Variants in EYA1 observed in about 807,000 individuals in gnomAD.
The protein encoded by EYA1 is protein phosphatase EYA1.
Under a neutral mutation model 82.0 loss-of-function variants are expected in EYA1, and 16 were observed. The ratio of observed to expected loss-of-function variants is 0.20; its 90% CI spans 0.13 to 0.30. The LOEUF is 0.30. EYA1 is among the 10% of genes least tolerant of loss of function. The pLI, the probability that EYA1 is intolerant of heterozygous loss-of-function variation, is 1.00. For synonymous variants in EYA1, 261 were observed against 264.4 expected, an observed-to-expected ratio of 0.99 and a Z score of 0.12; for missense variants, 633 against 730.7, an observed-to-expected ratio of 0.87 and a Z score of 1.54.
chr8:71,371,295 C>T (rs776051585), intron 2 of EYA1, among the ~76,000 whole-genome samples: 4 of 152,148 alleles, frequency 2.6e-5, no homozygotes, highest in Non-Finnish European at 4.4e-5. Context: ...AAAACACTCA[C>T]GCTAAATGCT....
chr8:71,360,576 G>A (rs1827280998), intron 1 of EYA1, among the ~76,000 whole-genome samples: 1 of 152,104 alleles, frequency 6.6e-6, no homozygotes, highest in Non-Finnish European at 1.5e-5. Context: ...AACACTTTGG[G>A]CCTTGGGAGA....
At chr8:71,263,862 A>G (rs1815437573) in intron 11 of EYA1, among the ~76,000 whole-genome samples, 1 of 152,236 alleles carries the variant, frequency 6.6e-6, no homozygotes, top group African/African-American at 2.4e-5. Context: ...ATGGTCTGTC[A>G]ATCCTCGGTC....
intron 9 of EYA1, among the ~76,000 whole-genome samples, chr8:71,281,162 G>A (rs1817773354): frequency 6.6e-6 from 1 of 152,162 alleles, no homozygotes; most frequent in African/African-American, 2.4e-5. Flanking sequence ...CTTTGCACTG[G>A]ATCTAATCTA....
chr8:71,515,336 C>T (rs1485800160), intron 2 of EYA1, among the ~76,000 whole-genome samples: 2 of 152,054 alleles, frequency 1.3e-5, no homozygotes, highest in South Asian at 2.1e-4. Context: ...TCTAGTCTCT[C>T]CAGTTCTCTG....
rs1424162848 is a variant in EYA1, at chr8:71,455,907, G to T, written c.33+79837C>A. ...ACATAGTGTTGGAAGTTCTGCCCAGGGCAATCAGGCAGGAGAAAGAAATGA... is the reference window on the plus strand; with the variant it reads ...ACATAGTGTTGGAAGTTCTGCCCAGTGCAATCAGGCAGGAGAAAGAAATGA... On this transcript the variant is annotated intron_variant, in intron 2 of 18. Coordinates refer to the EYA1 transcript ENST00000643681. 8.5e-5 allele frequency among the ~76,000 whole-genome samples: 13 copies of T among 152,146 alleles called. 1 individual carries two copies. The South Asian group carries it at 2.7e-3, about 32-fold the overall frequency.
chr8:71,347,355 C>G (rs1263966461), intron 3 of EYA1, among the ~76,000 whole-genome samples: 1 of 151,288 alleles, frequency 6.6e-6, no homozygotes, highest in East Asian at 1.9e-4. Context: ...TAGAGTCTCA[C>G]TCTGTTGCCC....
intron 2 of EYA1, among the ~76,000 whole-genome samples, chr8:71,456,692 A>G (rs1807950276): frequency 6.6e-6 from 1 of 152,224 alleles, no homozygotes. Context: ...GGTGCTGGGA[A>G]AACTGGCTAG....
At chr8:71,546,050 C>T (rs1586923717) in intron 1 of EYA1, among the ~76,000 whole-genome samples, 1 of 152,246 alleles carries the variant, frequency 6.6e-6, no homozygotes, top group South Asian at 2.1e-4. Flanking sequence ...CAGTGTCTAC[C>T]CTAGGTCTCT....
intron 2 of EYA1, among the ~76,000 whole-genome samples, chr8:71,389,202 A>G (rs914815382): frequency 1.3e-5 from 2 of 151,998 alleles, no homozygotes; most frequent in Admixed American, 1.3e-4. Context: ...TGCTCATGAT[A>G]TTTTCATTGT....
chr8:71,546,843 A>C (rs1248121745), intron 1 of EYA1, among the ~76,000 whole-genome samples: 1 of 152,030 alleles, frequency 6.6e-6, no homozygotes. Context: ...GCTTCATGAC[A>C]CATTTCAGTC....
rs192693358 is a variant in EYA1 at position 71,335,492 on chromosome 8, G to T, written c.125-1318C>A. On this transcript the variant is annotated intron_variant, in intron 3 of 17. Coordinates refer to ENST00000340726, the MANE Select transcript of EYA1 (RefSeq NM_000503.6). ...AAACAAGCTTTGGAAAACAACAATC[G>T]TGAGACTAATGGAAATCACTCTGCT... 3.9e-5 allele frequency among the ~76,000 whole-genome samples: 6 copies of T among 152,240 alleles called. No homozygotes were observed. In the East Asian group the frequency reaches 7.7e-4, roughly 20 times the overall value.
chr8:71,234,633 C>A (rs1262590115), intron 12 of EYA1, among the ~76,000 whole-genome samples: 1 of 152,092 alleles, frequency 6.6e-6, no homozygotes, highest in African/African-American at 2.4e-5. Context: ...CTCTACCATA[C>A]AATTCTCTCT....
At chr8:71,200,793 G>A (rs1806890694) in intron 17 of EYA1, among the ~76,000 whole-genome samples, 1 of 151,866 alleles carries the variant, frequency 6.6e-6, no homozygotes, top group Non-Finnish European at 1.5e-5. Context: ...TTTATATCTT[G>A]TAGGAGGTGG....
At chr8:71,457,403 A>G (rs946948723) in intron 2 of EYA1, among the ~76,000 whole-genome samples, 1 of 152,206 alleles carries the variant, frequency 6.6e-6, no homozygotes, top group Non-Finnish European at 1.5e-5. Context: ...CAGCCATCTC[A>G]TTACTGGGTA....
intron 2 of EYA1, among the ~76,000 whole-genome samples, chr8:71,514,656 G>A (rs181549348): frequency 6.6e-6 from 1 of 152,202 alleles, no homozygotes; most frequent in East Asian, 1.9e-4. Flanking sequence ...GATCTTGTAA[G>A]ACTTATTCAC....
chr8:71,505,267 C>T (rs1344349511), intron 2 of EYA1, among the ~76,000 whole-genome samples: 1 of 152,144 alleles, frequency 6.6e-6, no homozygotes, highest in Non-Finnish European at 1.5e-5. Flanking sequence ...AGGTCTAGAA[C>T]CAGGCCAAGT....
intron 12 of EYA1, among the ~76,000 whole-genome samples, chr8:71,229,198 T>C (rs1344099520): frequency 6.6e-6 from 1 of 152,094 alleles, no homozygotes; most frequent in Non-Finnish European, 1.5e-5. Flanking sequence ...TGTCTACTGC[T>C]TGCTGGAATG....
intron 2 of EYA1, among the ~76,000 whole-genome samples, chr8:71,437,608 C>T (rs886110538): frequency 9.9e-5 from 15 of 151,902 alleles, no homozygotes; most frequent in Non-Finnish European, 2.2e-4. Context: ...GTAAATCATG[C>T]TCTAAAATAG....
intron 2 of EYA1, among the ~76,000 whole-genome samples, chr8:71,420,492 C>T (rs934055472): frequency 6.6e-6 from 1 of 152,244 alleles, no homozygotes; most frequent in East Asian, 1.9e-4. Flanking sequence ...TTAAAATACA[C>T]ATTTTTCTAT....
Sources: allele counts gnomAD v4.1 joint callset (sites outside exome capture counted in the v4.1 genomes callset), GRCh38; gene constraint gnomAD v4.1.1; transcripts MANE v1.5; gene names NCBI Gene and HGNC (gene_info 2026-07-23, HGNC 2026-07-21).